The following CTNNA3 variants were observed in gnomAD, a reference collection of about 807,000 sequenced individuals.
CTNNA3 encodes the protein catenin alpha-3.
In CTNNA3, 76 loss-of-function variants were observed where a neutral mutation model predicts 95.7. That is an observed-to-expected ratio of 0.79 (90% CI 0.66 to 0.96). The LOEUF is 0.96. CTNNA3 is among the 40% of genes least tolerant of loss of function. The pLI is 0.00. For synonymous variants in CTNNA3, 431 were observed against 374.4 expected, an observed-to-expected ratio of 1.15 and a Z score of -1.74; for missense variants, 1,191 against 1,089.8, an observed-to-expected ratio of 1.09 and a Z score of -1.31.
chr10:67,539,437 C>G (rs1385322566), intron 4 of CTNNA3, 66 bp downstream of exon 4: 108 of 1,563,476 alleles, frequency 6.9e-5, no homozygotes, highest in Non-Finnish European at 8.9e-5. Context: ...GGATCGACGC[C>G]AGGTTCAGAG....
At chr10:66,872,420 G>A (rs1436638018) in intron 7 of CTNNA3, among the ~76,000 whole-genome samples, 1 of 152,038 alleles carries the variant, frequency 6.6e-6, no homozygotes, top group African/African-American at 2.4e-5. Context: ...TGTAATACTA[G>A]TATTTTGGGA....
chr10:66,877,828 G>A (rs1158880151), intron 7 of CTNNA3, among the ~76,000 whole-genome samples: 2 of 151,972 alleles, frequency 1.3e-5, no homozygotes, highest in South Asian at 4.2e-4. Flanking sequence ...TTCTATTTTT[G>A]TACCCAGATC....
intron 12 of CTNNA3, among the ~76,000 whole-genome samples, chr10:66,360,769 T>TTTC (rs1564897003): frequency 0.014 from 981 of 67,770 alleles, 115 homozygotes; most frequent in Admixed American, 0.029. Context: ...CCTTCCTTCC[T>TTTC]TTTCTTTCTT....
intron 5 of CTNNA3, among the ~76,000 whole-genome samples, chr10:67,253,635 T>C (rs1232542904): frequency 1.3e-5 from 2 of 152,184 alleles, no homozygotes; most frequent in Admixed American, 6.5e-5. Context: ...GGGATTCAAC[T>C]GTTGGGAGTA....
intron 9 of CTNNA3, among the ~76,000 whole-genome samples, chr10:66,691,252 A>C (rs917738616): frequency 6.6e-6 from 1 of 152,276 alleles, no homozygotes; most frequent in African/African-American, 2.4e-5. Context: ...GGTCACTCCC[A>C]CCCTAATACT....
chr10:66,159,077 C>T (rs1356736439), intron 13 of CTNNA3, among the ~76,000 whole-genome samples: 2 of 151,478 alleles, frequency 1.3e-5, no homozygotes, highest in African/African-American at 4.8e-5. Flanking sequence ...TTAGGGTTTT[C>T]AAGGTAAATG....
At chr10:67,577,015 C>T (rs1253826577) in intron 3 of CTNNA3, among the ~76,000 whole-genome samples, 4 of 149,354 alleles carry the variant, frequency 2.7e-5, no homozygotes, top group Admixed American at 6.6e-5. Flanking sequence ...AATAAACATA[C>T]GTGTGCATGT....
chr10:66,199,690 C>T (rs1161827891), intron 13 of CTNNA3, among the ~76,000 whole-genome samples: 7 of 142,816 alleles, frequency 4.9e-5, no homozygotes, highest in African/African-American at 1.6e-4. Context: ...CAACCTTCGC[C>T]TCCCGGGTTC....
At chr10:66,211,827 A>G (rs1589743894) in intron 13 of CTNNA3, among the ~76,000 whole-genome samples, 1 of 152,170 alleles carries the variant, frequency 6.6e-6, no homozygotes, top group East Asian at 1.9e-4. Flanking sequence ...GAGGGACCCA[A>G]CAGGCAAGTT....
chr10:67,600,500 G>A (rs145090500), intron 3 of CTNNA3, among the ~76,000 whole-genome samples: 2 of 152,164 alleles, frequency 1.3e-5, no homozygotes, highest in Non-Finnish European at 2.9e-5. Context: ...AGTTATCACA[G>A]AAATACAAAT....
chr10:66,066,534 T>C (rs2080316916), intron 15 of CTNNA3, among the ~76,000 whole-genome samples: 1 of 152,142 alleles, frequency 6.6e-6, no homozygotes, highest in Admixed American at 6.6e-5. Flanking sequence ...TGAATTACTT[T>C]CTATATGAAG....
chr10:66,440,312 A>G (rs2131783789), intron 11 of CTNNA3, among the ~76,000 whole-genome samples: 1 of 152,184 alleles, frequency 6.6e-6, no homozygotes, highest in Non-Finnish European at 1.5e-5. Flanking sequence ...ATTTCTTAAT[A>G]TATTCATTTT....
intron 17 of CTNNA3, among the ~76,000 whole-genome samples, chr10:65,955,120 C>G (rs1457746733): frequency 6.6e-6 from 1 of 151,934 alleles, no homozygotes. Flanking sequence ...GTAAGTTGGA[C>G]TTCTAGGTAT....
intron 10 of CTNNA3, among the ~76,000 whole-genome samples, chr10:66,552,763 C>G (rs990770299): frequency 2.6e-5 from 4 of 151,688 alleles, no homozygotes; most frequent in Admixed American, 2.6e-4. Flanking sequence ...AAAATTAAAC[C>G]TTTATCTTTA....
At chr10:66,535,150 T>G (rs1027352444) in intron 10 of CTNNA3, among the ~76,000 whole-genome samples, 1 of 152,042 alleles carries the variant, frequency 6.6e-6, no homozygotes, top group African/African-American at 2.4e-5. Context: ...TGAGTTTACT[T>G]CTTAAGGGGG....
At chr10:66,775,356 A>T in intron 8 of CTNNA3, 88 bp downstream of exon 8, 3 of 878,482 alleles carry the variant, frequency 3.4e-6, no homozygotes, top group Non-Finnish European at 5.3e-6. Context: ...ATTTGAAAGG[A>T]ACAAAACAAG....
At chr10:66,562,047 G>A (rs1418519520) in intron 10 of CTNNA3, among the ~76,000 whole-genome samples, 1 of 152,020 alleles carries the variant, frequency 6.6e-6, no homozygotes, top group African/African-American at 2.4e-5. Context: ...TCAATGAATA[G>A]AACTAGGAGT....
intron 5 of CTNNA3, among the ~76,000 whole-genome samples, chr10:67,479,200 C>T (rs1848129462): frequency 6.6e-6 from 1 of 152,010 alleles, no homozygotes. Flanking sequence ...CACTGAGGCA[C>T]CAACTAAGAA....
chr10:66,611,185 T>C (rs1193480965), intron 10 of CTNNA3, among the ~76,000 whole-genome samples: 3 of 151,966 alleles, frequency 2.0e-5, no homozygotes, highest in African/African-American at 4.8e-5. Context: ...CAAAAATAGT[T>C]AGATAGAAAA....
Sources: allele counts gnomAD v4.1 joint callset (sites outside exome capture counted in the v4.1 genomes callset), GRCh38; gene constraint gnomAD v4.1.1; transcripts MANE v1.5; gene names NCBI Gene and HGNC (gene_info 2026-07-23, HGNC 2026-07-21).